Variants in KIAA1217 observed in about 807,000 individuals in gnomAD.
KIAA1217 encodes the protein sickle tail protein homolog.
KIAA1217 carries 88 observed loss-of-function variants against 163.9 expected under a neutral mutation model. The observed-to-expected ratio is 0.54, with a 90% CI of 0.45 to 0.64. KIAA1217 has a LOEUF of 0.64. KIAA1217 is among the 30% of genes least tolerant of loss of function. The pLI is 0.00. For missense variants in KIAA1217, 2,372 were observed against 2,475.0 expected (o/e 0.96, Z 0.88); for synonymous variants, 903 against 923.1 (o/e 0.98, Z 0.39).
intron 1 of KIAA1217, among the ~76,000 whole-genome samples, chr10:23,968,132 C>A (rs146481209): frequency 0.012 from 1,828 of 148,646 alleles, 29 homozygotes; most frequent in African/African-American, 0.043. Context: ...AACAGAATAC[C>A]AAAGTATGCA....
chr10:23,967,547 G>A (rs1021833359), intron 1 of KIAA1217, among the ~76,000 whole-genome samples: 3 of 152,154 alleles, frequency 2.0e-5, no homozygotes, highest in Admixed American at 1.3e-4. Flanking sequence ...TGTATTTAAA[G>A]TGGAAGTGTA....
chr10:24,355,030 A>C (rs1311082561), intron 2 of KIAA1217, among the ~76,000 whole-genome samples: 2 of 152,218 alleles, frequency 1.3e-5, no homozygotes, highest in African/African-American at 4.8e-5. Context: ...AATAATTGTC[A>C]GCCCCTAAAG....
chr10:23,773,334 G>C (rs996696913), intron 1 of KIAA1217, among the ~76,000 whole-genome samples: 6 of 151,516 alleles, frequency 4.0e-5, no homozygotes, highest in African/African-American at 1.5e-4. Flanking sequence ...CTCTGTTTTG[G>C]TACCAGTACC....
At chr10:24,368,569 A>G (rs930258479) in intron 2 of KIAA1217, among the ~76,000 whole-genome samples, 4 of 152,182 alleles carry the variant, frequency 2.6e-5, no homozygotes, top group Non-Finnish European at 5.9e-5. Flanking sequence ...GAGATGGAAT[A>G]GGATGAAGGT....
chr10:23,880,823 A>G (rs1034581802), intron 1 of KIAA1217, among the ~76,000 whole-genome samples: 15 of 151,992 alleles, frequency 9.9e-5, no homozygotes, highest in Non-Finnish European at 4.4e-5. Context: ...CATAGAATTG[A>G]TGGACAGTTC....
chr10:23,987,444 A>T (rs1352951654), intron 1 of KIAA1217, among the ~76,000 whole-genome samples: 1 of 151,058 alleles, frequency 6.6e-6, no homozygotes, highest in African/African-American at 2.4e-5. Flanking sequence ...ATTTTTATTT[A>T]AAAATATGGT....
chr10:24,099,967 C>T (rs542654835), intron 2 of KIAA1217, among the ~76,000 whole-genome samples: 9 of 151,958 alleles, frequency 5.9e-5, no homozygotes, highest in East Asian at 5.8e-4. Context: ...ATATGATTTC[C>T]TTGTCTTTTA....
At chr10:24,442,839 T>C (rs2060608380) in intron 5 of KIAA1217, among the ~76,000 whole-genome samples, 1 of 152,168 alleles carries the variant, frequency 6.6e-6, no homozygotes, top group African/African-American at 2.4e-5. Flanking sequence ...CAGATGACCC[T>C]TCTGCCACTG....
intron 1 of KIAA1217, among the ~76,000 whole-genome samples, chr10:23,876,108 A>C (rs561253672): frequency 6.6e-6 from 1 of 151,946 alleles, no homozygotes; most frequent in African/African-American, 2.4e-5. Context: ...TTAAAAAAAA[A>C]AAAGAAAATG....
chr10:23,807,470 G>T (rs920488160), intron 1 of KIAA1217, among the ~76,000 whole-genome samples: 3 of 152,254 alleles, frequency 2.0e-5, no homozygotes, highest in Admixed American at 6.5e-5. Flanking sequence ...AGTGTGGAGT[G>T]GGGGGATTAA....
At chr10:24,503,046 A>G (rs1459041659) in intron 9 of KIAA1217, among the ~76,000 whole-genome samples, 1 of 152,204 alleles carries the variant, frequency 6.6e-6, no homozygotes, top group Non-Finnish European at 1.5e-5. Context: ...CAACCTCCTG[A>G]GCCCTTTCCT....
chr10:23,986,041 T>C (rs1845956086), intron 1 of KIAA1217, among the ~76,000 whole-genome samples: 1 of 152,236 alleles, frequency 6.6e-6, no homozygotes, highest in Non-Finnish European at 1.5e-5. Context: ...CGTTCTAATA[T>C]AATTGTTTAA....
At chr10:24,292,289 A>G (rs1296140320) in intron 2 of KIAA1217, among the ~76,000 whole-genome samples, 1 of 152,220 alleles carries the variant, frequency 6.6e-6, no homozygotes, top group Non-Finnish European at 1.5e-5. Context: ...AGACTGACCA[A>G]GGAATTGAAG....
At chr10:24,255,319 C>T (rs2075024110) in intron 2 of KIAA1217, 1 of 301,744 alleles carries the variant, frequency 3.3e-6, no homozygotes, top group South Asian at 2.6e-5. Flanking sequence ...TATTTTCTAG[C>T]TGTGAATCAC....
chr10:24,396,580 G>A (rs970318475), intron 3 of KIAA1217, among the ~76,000 whole-genome samples: 4 of 152,138 alleles, frequency 2.6e-5, no homozygotes, highest in South Asian at 4.2e-4. Context: ...TGGACAGGGG[G>A]AGCCTCACTG....
intron 1 of KIAA1217, among the ~76,000 whole-genome samples, chr10:23,701,828 C>T (rs1449383445): frequency 6.6e-6 from 1 of 152,150 alleles, no homozygotes; most frequent in East Asian, 1.9e-4. Flanking sequence ...TACCTTATTA[C>T]ATTTATGTAT....
In KIAA1217 at chr10:23,718,352, T is replaced by C. The variant is rs76856845; in HGVS notation, c.-321+23118T>C. 6.6e-3 allele frequency among the ~76,000 whole-genome samples: 1,009 copies of C among 152,340 alleles called. 12 individuals are homozygous for C. The highest frequency in any genetic ancestry group is 0.023 in the African/African-American group (974 of 41,582). On this transcript the variant is annotated intron_variant, in intron 1 of 18. Transcript: ENST00000376462. ...TTTTTGGAAATATTTAAATGTAGTT[T>C]ATAGAATAGCAGAAATATTCCAAAG...
rs2077152974 is a variant in KIAA1217 at position 24,275,226 on chromosome 10, C to T, written c.354+55317C>T. Among the ~76,000 whole-genome samples, 3 of 152,222 alleles carry T rather than the reference C, an allele frequency of 2.0e-5. 1 individual carries two copies. In the South Asian group the frequency reaches 6.2e-4, roughly 32 times the overall value. ...TGAACTCCTGTCACAAAGCAATTCT[C>T]TTGCCTTAGCCTCCCAAAGTGCTGG... is the stretch of plus-strand genomic sequence containing the variant. On this transcript the variant is annotated intron_variant, in intron 2 of 20. Coordinates refer to ENST00000376454, the MANE Select transcript of KIAA1217 (RefSeq NM_019590.5).
At position 24,452,782 on chromosome 10, in the gene KIAA1217, TAA is replaced by T. The variant is rs761679752; in HGVS notation, c.846+14306_846+14307del. ...ATTTAATTGTACTTTTAAAAATAAC[TAA>T]AAGAGTATAGCTGAAATGTTGTAAC... On this transcript the variant is annotated intron_variant, in intron 5 of 20. Coordinates refer to ENST00000376454, the MANE Select transcript of KIAA1217 (RefSeq NM_019590.5). 1.5e-3 allele frequency among the ~76,000 whole-genome samples: 232 copies of T among 150,868 alleles called. 2 individuals carry two copies. Among genetic ancestry groups the T allele is most frequent in the Middle Eastern group, 6.8e-3 (2 of 294 alleles).
Sources: gnomAD v4.1 joint callset for allele counts (sites outside exome capture counted in the v4.1 genomes callset) on GRCh38, gnomAD v4.1.1 for gene constraint, MANE v1.5 for transcripts, NCBI Gene and HGNC (gene_info 2026-07-23, HGNC 2026-07-21) for gene names.